The following DCLK1 variants were observed in gnomAD, a reference collection of about 807,000 sequenced individuals.
DCLK1 encodes doublecortin like kinase 1, also known as serine/threonine-protein kinase DCLK1.
DCLK1 carries 16 observed loss-of-function variants against 86.2 expected under a neutral mutation model. That is an observed-to-expected ratio of 0.19 (90% confidence interval 0.13 to 0.28). The LOEUF (loss-of-function observed/expected upper bound fraction) is 0.28. Among genes scored for constraint, DCLK1 ranks in the 10% least tolerant of loss-of-function variants. The pLI, the probability that DCLK1 is intolerant of heterozygous loss-of-function variation, is 1.00. For synonymous variants in DCLK1, 369 were observed against 370.5 expected (o/e 1.00, Z 0.05); for missense variants, 590 against 940.2 (o/e 0.63, Z 4.87).
chr13:36,120,763 A>G (rs989339461), intron 2 of DCLK1, among the ~76,000 whole-genome samples: 9 of 146,222 alleles, frequency 6.2e-5, no homozygotes, highest in Non-Finnish European at 4.5e-5. Flanking sequence ...AAACACATGA[A>G]AAGATGAAAA....
At chr13:36,027,047 G>A (rs182907022) in intron 3 of DCLK1, among the ~76,000 whole-genome samples, 5 of 152,010 alleles carry the variant, frequency 3.3e-5, no homozygotes, top group Admixed American at 3.3e-4. Flanking sequence ...AACAAATGAT[G>A]GGGCTAATAT....
chr13:35,804,437 T>C (rs372220599), intron 15 of DCLK1, among the ~76,000 whole-genome samples: 20 of 151,784 alleles, frequency 1.3e-4, no homozygotes, highest in Middle Eastern at 3.4e-3. Context: ...CCCAGCCTAC[T>C]ATTATTATTT....
rs565483754 is a variant in DCLK1, at chr13:35,899,132, G to A, written c.824-27792C>T. On this transcript the variant is annotated intron_variant, in intron 4 of 16. Transcript: ENST00000360631. ...GACTGACACTGAGGGATACCTCTGGGTTCCAGTTTATGCCCTATCTTTTCC... is the reference window on the plus strand; with the variant it reads ...GACTGACACTGAGGGATACCTCTGGATTCCAGTTTATGCCCTATCTTTTCC... Among the ~76,000 whole-genome samples the A allele has an allele frequency of 7.8e-4, 119 of 152,222 alleles. 1 individual carries two copies. The highest frequency in any genetic ancestry group is 2.7e-3 in the African/African-American group (114 of 41,532).
chr13:35,904,048 CT>C lies in DCLK1; in HGVS notation c.824-32709del, dbSNP rs879280423. Among the ~76,000 whole-genome samples, 530 of 145,080 alleles carry C rather than the reference CT, an allele frequency of 3.7e-3. 1 individual carries two copies. Among genetic ancestry groups the C allele is most frequent in the African/African-American group, 6.9e-3 (276 of 39,828 alleles). ...AAATCCATGGAAAAGATTCCAATTACTTTTTTTTTTTTAAAGTTTAAAGCTG... is the reference window on the plus strand; with the variant it reads ...AAATCCATGGAAAAGATTCCAATTACTTTTTTTTTTTAAAGTTTAAAGCTG... On this transcript the variant is annotated intron_variant, in intron 4 of 16. Transcript: ENST00000360631.
chr13:35,986,051 C>A (rs1192982966), intron 3 of DCLK1, among the ~76,000 whole-genome samples: 3 of 151,900 alleles, frequency 2.0e-5, no homozygotes, highest in Non-Finnish European at 2.9e-5. Context: ...TGCCTGTAAT[C>A]CCAGCACTTT....
intron 3 of DCLK1, among the ~76,000 whole-genome samples, chr13:36,016,542 CCAAA>C (rs1285044516): frequency 1.3e-5 from 2 of 152,224 alleles, no homozygotes; most frequent in East Asian, 1.9e-4. Context: ...CCAATAATTA[CCAAA>C]CAGTCACTTT....
intron 3 of DCLK1, among the ~76,000 whole-genome samples, chr13:35,978,252 C>A (rs1262464754): frequency 3.8e-5 from 5 of 130,610 alleles, no homozygotes; most frequent in Non-Finnish European, 7.7e-5. Context: ...TGTCACCCAG[C>A]TGGAGTGCAG....
chr13:35,857,967 A>T (rs1008880258), intron 5 of DCLK1, among the ~76,000 whole-genome samples: 3 of 152,238 alleles, frequency 2.0e-5, no homozygotes, highest in African/African-American at 7.2e-5. Context: ...AGTGCTTTAA[A>T]ATTCATGTTA....
chr13:36,075,046 C>T (rs189388068), intron 3 of DCLK1, among the ~76,000 whole-genome samples: 16 of 152,272 alleles, frequency 1.1e-4, no homozygotes, highest in Admixed American at 9.8e-4. Flanking sequence ...GGGGGAAAAA[C>T]CCAATCTTTA....
intron 4 of DCLK1, among the ~76,000 whole-genome samples, chr13:35,912,092 C>A (rs1056561144): frequency 6.6e-6 from 1 of 152,176 alleles, no homozygotes; most frequent in African/African-American, 2.4e-5. Context: ...AAAGCTCAAT[C>A]AATCAATCAC....
At chr13:35,804,925 G>A (rs2086995356) in intron 15 of DCLK1, among the ~76,000 whole-genome samples, 1 of 152,196 alleles carries the variant, frequency 6.6e-6, no homozygotes, top group Admixed American at 6.5e-5. Context: ...AATCTACTGT[G>A]TTAGAATCTG....
Position 35,774,510 on chromosome 13 carries a change from T to G in DCLK1, c.*25A>C. 6.4e-7 allele frequency: 1 copy of G among 1,551,398 alleles called. No individual in the cohort carries two copies. Among genetic ancestry groups the G allele is most frequent in the Non-Finnish European group, 8.7e-7 (1 of 1,146,858 alleles). ...ATCTCAGAGTCTCAAAGGGTTAAGC[T>G]AGGACTTTGAGTAAAAGGGTCTTAT... On this transcript the variant is annotated 3_prime_UTR_variant, in exon 17 of 17. Coordinates refer to ENST00000360631, the MANE Select transcript of DCLK1 (RefSeq NM_001330071.2).
chr13:36,107,004 A>G (rs550191737), intron 3 of DCLK1, among the ~76,000 whole-genome samples: 1 of 152,146 alleles, frequency 6.6e-6, no homozygotes, highest in Non-Finnish European at 1.5e-5. Flanking sequence ...ATTCCTATTA[A>G]TCATCATTAC....
At chr13:36,016,220 C>T (rs749031342) in intron 3 of DCLK1, among the ~76,000 whole-genome samples, 1 of 152,188 alleles carries the variant, frequency 6.6e-6, no homozygotes, top group Non-Finnish European at 1.5e-5. Context: ...GCAACACAAA[C>T]TGCTACATGC....
chr13:36,049,610 C>T (rs79610971), intron 3 of DCLK1, among the ~76,000 whole-genome samples: 2,707 of 152,152 alleles, frequency 0.018, 71 homozygotes, highest in African/African-American at 0.062. Context: ...TTATCTGTTA[C>T]CCTTTTATAT....
chr13:36,003,117 G>C (rs1475661679), intron 3 of DCLK1, among the ~76,000 whole-genome samples: 1 of 152,182 alleles, frequency 6.6e-6, no homozygotes, highest in African/African-American at 2.4e-5. Flanking sequence ...ATAAACTATT[G>C]AATGAGCATT....
At chr13:35,921,847 AG>A (rs1875821962) in intron 4 of DCLK1, among the ~76,000 whole-genome samples, 2 of 152,204 alleles carry the variant, frequency 1.3e-5, no homozygotes, top group Admixed American at 6.5e-5. Flanking sequence ...ACCAGGTGAC[AG>A]GGCAGAGATA....
intron 4 of DCLK1, among the ~76,000 whole-genome samples, chr13:35,875,745 C>A (rs1872552418): frequency 1.3e-5 from 2 of 152,198 alleles, no homozygotes; most frequent in Non-Finnish European, 2.9e-5. Context: ...TGGATACTAA[C>A]TAGTCCCTGC....
intron 4 of DCLK1, among the ~76,000 whole-genome samples, chr13:35,942,811 G>A (rs1035168181): frequency 2.6e-5 from 4 of 152,342 alleles, no homozygotes; most frequent in Middle Eastern, 6.8e-3. Flanking sequence ...GATCCATGAG[G>A]TGAGAAACCC....
Sources: allele counts gnomAD v4.1 joint callset (sites outside exome capture counted in the v4.1 genomes callset), GRCh38; gene constraint gnomAD v4.1.1; transcripts MANE v1.5; gene names NCBI Gene and HGNC (gene_info 2026-07-23, HGNC 2026-07-21).